The following IL1RAP variants were observed in gnomAD, a reference collection of about 807,000 sequenced individuals.
The protein encoded by IL1RAP is interleukin 1 receptor accessory protein.
Under a neutral mutation model 60.7 loss-of-function variants are expected in IL1RAP, and 35 were observed. That is an observed-to-expected ratio of 0.58 (90% CI 0.44 to 0.76). IL1RAP has a LOEUF of 0.76. IL1RAP is among the 30% of genes least tolerant of loss of function. The pLI is 0.00. For synonymous variants in IL1RAP, 268 were observed against 250.9 expected, an observed-to-expected ratio of 1.07 and a Z score of -0.64; for missense variants, 572 against 693.9, an observed-to-expected ratio of 0.82 and a Z score of 1.97.
At chr3:190,622,332 G>A (rs909030268) in intron 6 of IL1RAP, among the ~76,000 whole-genome samples, 4 of 152,074 alleles carry the variant, frequency 2.6e-5, no homozygotes, top group South Asian at 2.1e-4. Context: ...TAAATGTGTG[G>A]CTCTTCTATA....
chr3:190,612,023 A>G (rs1025235866), intron 5 of IL1RAP, among the ~76,000 whole-genome samples: 1 of 152,208 alleles, frequency 6.6e-6, no homozygotes, highest in Non-Finnish European at 1.5e-5. Flanking sequence ...TTTAAACTTG[A>G]TAATGGTACT....
chr3:190,650,194 T>C lies in IL1RAP; in HGVS notation c.*1489T>C. ...ATGTTTTTACTGGAATGTTTTTGTG[T>C]CAGTGTTTTCTGTACATATTATTTG... On this transcript the variant is annotated 3_prime_UTR_variant, in exon 12 of 12. Coordinates refer to ENST00000447382, the MANE Select transcript of IL1RAP (RefSeq NM_002182.4). The C allele has an allele frequency of 7.1e-6, 7 of 984,398 alleles. No individual in the cohort carries two copies. The highest frequency in any genetic ancestry group is 8.4e-6 in the Non-Finnish European group (7 of 828,992). The allele number at this position is 984,398 out of a possible 1,614,324, so 61.0% of individuals were successfully genotyped here.
At chr3:190,529,672 A>T (rs1722816295) in intron 1 of IL1RAP, among the ~76,000 whole-genome samples, 1 of 121,506 alleles carries the variant, frequency 8.2e-6, no homozygotes, top group Non-Finnish European at 1.6e-5. Flanking sequence ...CGACAGAGCT[A>T]GACTGTCTCA....
At chr3:190,533,754 C>T (rs1228426255) in intron 1 of IL1RAP, among the ~76,000 whole-genome samples, 1 of 152,176 alleles carries the variant, frequency 6.6e-6, no homozygotes, top group Non-Finnish European at 1.5e-5. Context: ...CTAATGAATG[C>T]AGTCTTGCCC....
At chr3:190,606,578 A>G (rs1730347039) in intron 4 of IL1RAP, among the ~76,000 whole-genome samples, 1 of 152,176 alleles carries the variant, frequency 6.6e-6, no homozygotes, top group Admixed American at 6.5e-5. Context: ...ATCTTCCACA[A>G]ACTTTTCTAA....
At chr3:190,552,524 C>CCA (rs1238869576) in intron 1 of IL1RAP, among the ~76,000 whole-genome samples, 1 of 152,120 alleles carries the variant, frequency 6.6e-6, no homozygotes, top group Non-Finnish European at 1.5e-5. Context: ...CTGAAAGGTA[C>CCA]CACAGCTTTT....
intron 1 of IL1RAP, among the ~76,000 whole-genome samples, chr3:190,529,470 G>A (rs1001507805): frequency 1.3e-5 from 2 of 150,846 alleles, no homozygotes; most frequent in South Asian, 2.1e-4. Flanking sequence ...GGCAGATCAC[G>A]AGGTCAAGAG....
downstream of IL1RAP, chr3:190,655,848 G>A (rs1734601556): frequency 2.8e-6 from 4 of 1,419,568 alleles, no homozygotes; most frequent in Non-Finnish European, 2.9e-6. Context: ...ATATATGTAA[G>A]TTTTCACTAT....
chr3:190,529,046 G>C (rs1282278802), intron 1 of IL1RAP, among the ~76,000 whole-genome samples: 1 of 152,244 alleles, frequency 6.6e-6, no homozygotes, highest in Non-Finnish European at 1.5e-5. Context: ...GTTGAGGGCT[G>C]TTGCCTCTGC....
intron 3 of IL1RAP, among the ~76,000 whole-genome samples, chr3:190,592,879 A>G (rs918917523): frequency 5.9e-5 from 9 of 152,014 alleles, no homozygotes; most frequent in African/African-American, 2.2e-4. Flanking sequence ...TTACTTTGTA[A>G]TGATTTGTCC....
At chr3:190,584,829 C>T (rs1728310017) in intron 3 of IL1RAP, among the ~76,000 whole-genome samples, 1 of 152,138 alleles carries the variant, frequency 6.6e-6, no homozygotes, top group Admixed American at 6.6e-5. Flanking sequence ...TGCTCCCAGG[C>T]CCATCACTGG....
intron 3 of IL1RAP, among the ~76,000 whole-genome samples, chr3:190,593,772 A>G (rs1729151384): frequency 6.6e-6 from 1 of 152,178 alleles, no homozygotes; most frequent in South Asian, 2.1e-4. Context: ...TATGGGAGCT[A>G]CAATTCAAGA....
chr3:190,576,164 A>C (rs562029478), intron 3 of IL1RAP, among the ~76,000 whole-genome samples: 1 of 152,238 alleles, frequency 6.6e-6, no homozygotes, highest in African/African-American at 2.4e-5. Flanking sequence ...AGTAGAAAAA[A>C]TACATGCAAA....
In IL1RAP at chr3:190,649,387, T is replaced by A. The variant is rs75040235; in HGVS notation, c.*682T>A. ...TTCTTAATTTTTGTTTTTGCTCCAGTCAATTCCTGATTATCCACAGGTCAA... is the reference window on the plus strand; with the variant it reads ...TTCTTAATTTTTGTTTTTGCTCCAGACAATTCCTGATTATCCACAGGTCAA... On this transcript the variant is annotated 3_prime_UTR_variant, in exon 12 of 12. Coordinates refer to ENST00000447382, the MANE Select transcript of IL1RAP (RefSeq NM_002182.4). The A allele has an allele frequency of 4.2e-3, 4,189 of 985,760 alleles. 151 individuals are homozygous for A. In the African/African-American group the frequency reaches 0.068, roughly 16 times the overall value. 61.1% of individuals were successfully genotyped at this position (985,760 alleles called of 1,614,324 possible). A position where few individuals can be genotyped will look rare whatever the true frequency, so the allele number is the denominator to read the frequency against.
intron 3 of IL1RAP, among the ~76,000 whole-genome samples, chr3:190,599,653 GT>G (rs922872939): frequency 7.2e-6 from 1 of 139,574 alleles, no homozygotes; most frequent in Admixed American, 7.1e-5. Context: ...CTCAGATTTT[GT>G]TTTTTTTCTG....
At chr3:190,519,004 T>A (rs1444213596) in intron 1 of IL1RAP, 1 of 152,226 alleles carries the variant, frequency 6.6e-6, no homozygotes, top group Non-Finnish European at 1.5e-5. Flanking sequence ...TTGTCCCACC[T>A]CTGGACTAGA....
At chr3:190,524,031 A>G (rs968191458) in intron 1 of IL1RAP, among the ~76,000 whole-genome samples, 9 of 151,824 alleles carry the variant, frequency 5.9e-5, no homozygotes, top group African/African-American at 2.2e-4. Flanking sequence ...AGCATCTGTT[A>G]TTTTCTGACT....
rs146492458 is a variant in IL1RAP at position 190,604,213 on chromosome 3, T to C, written c.150T>C (p.Phe50=). The C allele has an allele frequency of 3.7e-4, 598 of 1,614,108 alleles. 4 individuals carry two copies. Among genetic ancestry groups the C allele is most frequent in the Middle Eastern group, 3.6e-3 (22 of 6,060 alleles). The change falls in exon 4 of 12, where the codon TTT becomes TTC. Residue 50 remains phenylalanine, a synonymous_variant. Coordinates refer to ENST00000447382, the MANE Select transcript of IL1RAP (RefSeq NM_002182.4). ...DEPARIKCPL[F]EHFLKFNYST... is the part of the protein sequence containing the mutation. ...CAGCTCGCATCAAGTGCCCACTCTT[T>C]GAACACTTCTTGAAATTCAACTACA...
intron 1 of IL1RAP, among the ~76,000 whole-genome samples, chr3:190,527,679 T>C (rs938598422): frequency 2.1e-4 from 30 of 142,340 alleles, no homozygotes; most frequent in African/African-American, 8.1e-4. Flanking sequence ...ATGGTGCTTG[T>C]TTACATTTTT....
Sources: gnomAD v4.1 joint callset for allele counts (sites outside exome capture counted in the v4.1 genomes callset) on GRCh38, gnomAD v4.1.1 for gene constraint, MANE v1.5 for transcripts, NCBI Gene and HGNC (gene_info 2026-07-23, HGNC 2026-07-21) for gene names.